Variants in KCNH1 observed in about 807,000 individuals in gnomAD.
KCNH1 encodes potassium voltage-gated channel subfamily H member 1, also known as voltage-gated delayed rectifier potassium channel KCNH1.
A neutral mutation model predicts 69.2 loss-of-function variants in KCNH1; 27 were observed. That is an observed-to-expected ratio of 0.39 (90% CI 0.29 to 0.54). The LOEUF (loss-of-function observed/expected upper bound fraction) is 0.54. KCNH1 is among the 20% of genes least tolerant of loss of function. The probability of loss-of-function intolerance (pLI) is 0.68; values close to 1 mark genes in which losing one functional copy is unlikely to be tolerated. For synonymous variants in KCNH1, 456 were observed against 487.7 expected (o/e 0.93, Z 0.86); for missense variants, 798 against 1,261.6 (o/e 0.63, Z 5.57).
intron 5 of KCNH1, among the ~76,000 whole-genome samples, chr1:211,070,659 A>G (rs1240005325): frequency 6.6e-6 from 1 of 151,916 alleles, no homozygotes; most frequent in African/African-American, 2.4e-5. Context: ...CCCCGTCTCT[A>G]CTAAAAATAC....
At position 211,115,065 on chromosome 1, in the gene KCNH1, T is replaced by A. The variant is rs577829888; in HGVS notation, c.80-7688A>T. ...CTCACTGCAACCTCTGCATCCCGGT[T>A]TCAACCTCCGCCTCCCGGATTCAAG... On this transcript the variant is annotated intron_variant, in intron 1 of 10. Coordinates refer to ENST00000271751, the MANE Select transcript of KCNH1 (RefSeq NM_172362.3). Among the ~76,000 whole-genome samples, 28 of 152,188 alleles carry A rather than the reference T, an allele frequency of 1.8e-4. 2 individuals carry two copies. The South Asian group carries it at 5.6e-3, about 30-fold the overall frequency.
At chr1:211,011,395 G>C (rs1689391532) in intron 6 of KCNH1, among the ~76,000 whole-genome samples, 1 of 152,144 alleles carries the variant, frequency 6.6e-6, no homozygotes, top group African/African-American at 2.4e-5. Context: ...AATTTGGGTT[G>C]GTTCCAAGTC....
chr1:211,124,739 A>G (rs1304999481), intron 1 of KCNH1, among the ~76,000 whole-genome samples: 1 of 152,246 alleles, frequency 6.6e-6, no homozygotes, highest in Non-Finnish European at 1.5e-5. Flanking sequence ...GGAATGTTTA[A>G]TAAAGGAACT....
chr1:210,938,921 C>T (rs542517733), intron 6 of KCNH1, among the ~76,000 whole-genome samples: 4 of 152,098 alleles, frequency 2.6e-5, no homozygotes, highest in Admixed American at 6.6e-5. Context: ...GAAACGAGTA[C>T]GAATATGGCA....
rs575635421 is a variant in KCNH1, at chr1:210,969,387, A to T, written c.1033-49318T>A. On this transcript the variant is annotated intron_variant, in intron 6 of 10. Transcript: ENST00000271751. The stretch of plus-strand genomic sequence containing the variant: ...AGACTAGAATAATATATATCTTGAA[A>T]ATTTGGTAGCACTCATCTATAAAAT... 3.3e-5 allele frequency among the ~76,000 whole-genome samples: 5 copies of T among 152,148 alleles called. No individual in the cohort carries two copies. The South Asian group carries it at 1.0e-3, about 32-fold the overall frequency.
chr1:211,114,503 T>A (rs1325604249), intron 1 of KCNH1, among the ~76,000 whole-genome samples: 1 of 152,236 alleles, frequency 6.6e-6, no homozygotes, highest in East Asian at 1.9e-4. Context: ...AGCGTGCCTC[T>A]AGAAGTACGT....
At chr1:210,787,629 T>A (rs1448756470) in intron 9 of KCNH1, among the ~76,000 whole-genome samples, 1 of 152,066 alleles carries the variant, frequency 6.6e-6, no homozygotes. Context: ...AGAAGATAGG[T>A]CCCCAGTCCA....
intron 7 of KCNH1, among the ~76,000 whole-genome samples, chr1:210,827,535 A>G (rs1685058105): frequency 1.3e-5 from 2 of 152,186 alleles, no homozygotes; most frequent in South Asian, 4.1e-4. Flanking sequence ...ATGCTGAATA[A>G]TTATTTTAAT....
At chr1:210,849,439 T>C (rs1037069072) in intron 7 of KCNH1, among the ~76,000 whole-genome samples, 14 of 148,692 alleles carry the variant, frequency 9.4e-5, no homozygotes, top group African/African-American at 3.5e-4. Context: ...TGATCTCAGC[T>C]CACTGCAACC....
At chr1:210,705,208 T>C (rs959026568) in intron 10 of KCNH1, among the ~76,000 whole-genome samples, 1 of 152,220 alleles carries the variant, frequency 6.6e-6, no homozygotes, top group Admixed American at 6.5e-5. Flanking sequence ...GAGAAGTATC[T>C]GAAATAGGCA....
intron 10 of KCNH1, among the ~76,000 whole-genome samples, chr1:210,687,711 T>TAGTCAC (rs1681435584): frequency 6.6e-6 from 1 of 152,246 alleles, no homozygotes; most frequent in African/African-American, 2.4e-5. Context: ...CTGGAGAAGT[T>TAGTCAC]AGTCACGGAG....
At position 210,908,558 on chromosome 1, in the gene KCNH1, T is replaced by C. The variant is rs532385731; in HGVS notation, c.1462+11082A>G. ...TAGTCCCCAACAGCCTCGATCACTT[T>C]GTGTTTTCACTGCAGGGCTGCTGTC... On this transcript the variant is annotated intron_variant, in intron 7 of 10. Coordinates refer to ENST00000271751, the MANE Select transcript of KCNH1 (RefSeq NM_172362.3). Among the ~76,000 whole-genome samples, 102 of 152,282 alleles carry C rather than the reference T, an allele frequency of 6.7e-4. 1 individual carries two copies. Among genetic ancestry groups the C allele is most frequent in the African/African-American group, 2.3e-3 (97 of 41,574 alleles).
intron 10 of KCNH1, among the ~76,000 whole-genome samples, chr1:210,735,135 A>G (rs569587829): frequency 3.5e-4 from 53 of 152,234 alleles, no homozygotes; most frequent in Non-Finnish European, 6.3e-4. Context: ...TCTGGCTGGA[A>G]TGCATGCCCC....
intron 6 of KCNH1, among the ~76,000 whole-genome samples, chr1:211,006,876 G>A (rs761200243): frequency 2.4e-4 from 36 of 151,760 alleles, no homozygotes; most frequent in Non-Finnish European, 4.3e-4. Flanking sequence ...CTATTGTTGA[G>A]ATAATAAAAT....
At chr1:210,987,930 C>T (rs1688871727) in intron 6 of KCNH1, among the ~76,000 whole-genome samples, 1 of 152,222 alleles carries the variant, frequency 6.6e-6, no homozygotes, top group African/African-American at 2.4e-5. Flanking sequence ...GTGGGCTCCA[C>T]CAAGTTCGAG....
intron 6 of KCNH1, among the ~76,000 whole-genome samples, chr1:211,001,775 C>A (rs1336087033): frequency 6.6e-6 from 1 of 152,122 alleles, no homozygotes; most frequent in Non-Finnish European, 1.5e-5. Context: ...AAATGTCCAT[C>A]AATGATAGAC....
intron 10 of KCNH1, among the ~76,000 whole-genome samples, chr1:210,732,877 C>T (rs1468167493): frequency 3.3e-5 from 5 of 152,176 alleles, no homozygotes; most frequent in South Asian, 2.1e-4. Context: ...ATACCATCAC[C>T]TTGGTGGTTA....
At chr1:210,886,177 A>C (rs1234221875) in intron 7 of KCNH1, among the ~76,000 whole-genome samples, 1 of 152,176 alleles carries the variant, frequency 6.6e-6, no homozygotes, top group East Asian at 1.9e-4. Flanking sequence ...GACCCTCTGG[A>C]CAAAGCTTTC....
At chr1:211,018,638 G>T in intron 6 of KCNH1, 145 bp downstream of exon 6, 1 of 699,612 alleles carries the variant, frequency 1.4e-6, no homozygotes, top group Non-Finnish European at 2.4e-6. Flanking sequence ...GGAACAGCAG[G>T]CAAGGGTATC....
Sources: gnomAD v4.1 joint callset for allele counts (sites outside exome capture counted in the v4.1 genomes callset) on GRCh38, gnomAD v4.1.1 for gene constraint, MANE v1.5 for transcripts, NCBI Gene and HGNC (gene_info 2026-07-23, HGNC 2026-07-21) for gene names.